ZBBX: variants seen among roughly 807,000 people sequenced by gnomAD.
ZBBX encodes zinc finger B-box domain-containing protein 1.
Under a neutral mutation model 108.5 loss-of-function variants are expected in ZBBX, and 101 were observed. The ratio of observed to expected loss-of-function variants is 0.93; its 90% CI spans 0.79 to 1.10. ZBBX has a LOEUF of 1.10. Ranked by LOEUF, ZBBX falls within the 50% of genes least tolerant of loss-of-function variation. The pLI, the probability that ZBBX is intolerant of heterozygous loss-of-function variation, is 0.00. For missense variants in ZBBX, 1,009 were observed against 941.4 expected (o/e 1.07, Z -0.94); for synonymous variants, 356 against 323.4 (o/e 1.10, Z -1.08).
At chr3:167,322,339 C>G in intron 11 of ZBBX, 102 bp from the exon 12 acceptor site, 1 of 962,390 alleles carries the variant, frequency 1.0e-6, no homozygotes, top group Admixed American at 3.4e-5. Flanking sequence ...GGCATATATG[C>G]TTTAATATTT....
At chr3:167,348,261 GGGAAGGAAGGAA>G (rs71176640) in intron 9 of ZBBX, among the ~76,000 whole-genome samples, 10 of 74,682 alleles carry the variant, frequency 1.3e-4, no homozygotes, top group South Asian at 6.7e-4. Context: ...GAGGGTGGAA[GGGAAGGAAGGAA>G]GGAAGGAAGG....
chr3:167,252,341 A>G, intron 20 of ZBBX: 1 of 498,612 alleles, frequency 2.0e-6, no homozygotes, highest in Non-Finnish European at 3.3e-6. Context: ...AGCAAACCTC[A>G]TGAAGTTTTT....
chr3:167,236,606 T>C (rs1038681878), downstream of ZBBX, among the ~76,000 whole-genome samples: 2 of 151,812 alleles, frequency 1.3e-5, no homozygotes, highest in African/African-American at 2.4e-5. Context: ...ATATATACCC[T>C]GTTTTTCTCA....
chr3:167,194,251 T>C, the ZBBX span, among the ~76,000 whole-genome samples: 6 of 149,558 alleles, frequency 4.0e-5, no homozygotes, highest in African/African-American at 1.5e-4. Flanking sequence ...TATATATATA[T>C]GTATATTCAT....
intron 18 of ZBBX, among the ~76,000 whole-genome samples, chr3:167,293,198 T>C (rs1731021720): frequency 6.6e-6 from 1 of 152,116 alleles, no homozygotes; most frequent in Admixed American, 6.5e-5. Context: ...TAACCTATTG[T>C]ATGAGGCCAG....
chr3:167,226,888 C>G, the ZBBX span, among the ~76,000 whole-genome samples: 8 of 151,658 alleles, frequency 5.3e-5, no homozygotes, highest in African/African-American at 1.9e-4. Flanking sequence ...TTTCCCTATG[C>G]GTAATAACTA....
At chr3:167,199,238 G>A in the ZBBX span, among the ~76,000 whole-genome samples, 1 of 152,168 alleles carries the variant, frequency 6.6e-6, no homozygotes, top group Non-Finnish European at 1.5e-5. Context: ...TTGTACCACT[G>A]AAAGCTGATG....
At chr3:167,395,217 G>A (rs1175178586) in intron 1 of ZBBX, among the ~76,000 whole-genome samples, 1 of 152,036 alleles carries the variant, frequency 6.6e-6, no homozygotes, top group African/African-American at 2.4e-5. Flanking sequence ...CTAGATGGGT[G>A]TTTCCTTTGG....
chr3:167,361,509 T>A (rs1484131195), intron 6 of ZBBX, among the ~76,000 whole-genome samples: 5 of 152,116 alleles, frequency 3.3e-5, no homozygotes, highest in Non-Finnish European at 7.4e-5. Flanking sequence ...AATTTGTACA[T>A]GAGAATCTGA....
chr3:167,329,151 A>C (rs1737942974), intron 10 of ZBBX, among the ~76,000 whole-genome samples: 2 of 152,196 alleles, frequency 1.3e-5, no homozygotes, highest in Admixed American at 6.5e-5. Context: ...ATATAAATCC[A>C]GTCCAAGCAC....
chr3:167,325,369 C>T (rs1393687037), intron 11 of ZBBX, among the ~76,000 whole-genome samples: 1 of 152,110 alleles, frequency 6.6e-6, no homozygotes, highest in Non-Finnish European at 1.5e-5. Flanking sequence ...CAAGAGAGAG[C>T]TTGTGCAGGG....
At chr3:167,358,200 A>T (rs1743909058) in intron 8 of ZBBX, among the ~76,000 whole-genome samples, 1 of 152,006 alleles carries the variant, frequency 6.6e-6, no homozygotes, top group African/African-American at 2.4e-5. Context: ...AAATAAAAAA[A>T]TAATAAAAAA....
the ZBBX span, among the ~76,000 whole-genome samples, chr3:167,184,340 G>A: frequency 6.6e-6 from 1 of 151,942 alleles, no homozygotes; most frequent in Non-Finnish European, 1.5e-5. Flanking sequence ...CACTATCCAG[G>A]CTCCCTATTC....
At chr3:167,406,473 C>T (rs2108646305) in intron 1 of ZBBX, among the ~76,000 whole-genome samples, 1 of 152,292 alleles carries the variant, frequency 6.6e-6, no homozygotes, top group Admixed American at 6.5e-5. Flanking sequence ...GTGATCCCAA[C>T]ACTTTGGGAG....
At chr3:167,398,956 G>A (rs1748333334) in intron 1 of ZBBX, among the ~76,000 whole-genome samples, 1 of 151,700 alleles carries the variant, frequency 6.6e-6, no homozygotes, top group South Asian at 2.1e-4. Context: ...AGTGGAACTG[G>A]TGGCTTTATA....
intron 1 of ZBBX, among the ~76,000 whole-genome samples, chr3:167,391,579 C>T (rs1170758196): frequency 6.6e-6 from 1 of 151,912 alleles, no homozygotes; most frequent in African/African-American, 2.4e-5. Flanking sequence ...CCTCTTTGTA[C>T]CTCTGGTAGA....
At chr3:167,348,160 GGAAAGAGA>G (rs1240922089) in intron 9 of ZBBX, among the ~76,000 whole-genome samples, 5 of 141,892 alleles carry the variant, frequency 3.5e-5, no homozygotes, top group African/African-American at 5.2e-5. Flanking sequence ...CATGAAAGAA[GGAAAGAGA>G]GAAAGAGAGA....
At chr3:167,285,515 T>C (rs1375991986) in intron 19 of ZBBX, among the ~76,000 whole-genome samples, 1 of 152,098 alleles carries the variant, frequency 6.6e-6, no homozygotes, top group Admixed American at 6.6e-5. Context: ...TATACAAATT[T>C]TATTTAGCAG....
chr3:167,191,939 C>T, the ZBBX span, among the ~76,000 whole-genome samples: 1 of 20,852 alleles, frequency 4.8e-5, no homozygotes, highest in African/African-American at 1.7e-4. Flanking sequence ...ATATATAGAG[C>T]AAGTTATTTT....
Sources: gnomAD v4.1 joint callset for allele counts (sites outside exome capture counted in the v4.1 genomes callset) on GRCh38, gnomAD v4.1.1 for gene constraint, MANE v1.5 for transcripts, NCBI Gene and HGNC (gene_info 2026-07-23, HGNC 2026-07-21) for gene names.